Variants in RAD17 observed in about 807,000 individuals in gnomAD.
The protein encoded by RAD17 is cell cycle checkpoint protein RAD17.
In RAD17, 31 loss-of-function variants were observed where a neutral mutation model predicts 81.5. The observed-to-expected ratio is 0.38, with a 90% CI of 0.29 to 0.51. RAD17 has a LOEUF of 0.51. Ranked by LOEUF, RAD17 falls within the 20% of genes least tolerant of loss-of-function variation. The pLI is 0.88. For synonymous variants in RAD17, 261 were observed against 266.2 expected (o/e 0.98, Z 0.19); for missense variants, 681 against 781.2 (o/e 0.87, Z 1.53).
Position 69,414,394 on chromosome 5 carries a change from AGTTT to A in RAD17, c.*106_*109del, listed in dbSNP as rs1159952814. ...ATGCTTTTCTGATGAATTACACAAC[AGTTT>A]GTTAATTCTTCATTCTTGTAGTATT... On this transcript the variant is annotated 3_prime_UTR_variant, in exon 19 of 19. Coordinates refer to ENST00000354868, the MANE Select transcript of RAD17 (RefSeq NM_133338.3). 3 of 1,280,294 alleles carry A rather than the reference AGTTT, an allele frequency of 2.3e-6. No individual in the cohort carries two copies. Among genetic ancestry groups the A allele is most frequent in the Non-Finnish European group, 3.2e-6 (3 of 926,618 alleles). 79.3% of individuals were successfully genotyped at this position (1,280,294 alleles called of 1,614,324 possible). A position where few individuals can be genotyped will look rare whatever the true frequency, so the allele number is the denominator to read the frequency against.
chr5:69,382,138 C>A, intron 7 of RAD17, 81 bp downstream of exon 7: 1 of 1,429,102 alleles, frequency 7.0e-7, no homozygotes, highest in African/African-American at 1.5e-5. Flanking sequence ...TCTATGAGTG[C>A]ATTTTTTCCC....
chr5:69,396,271 TGTAGTGATGTTGAAGAAA>T (rs1315197912), intron 15 of RAD17, 108 bp from the exon 16 acceptor site: 1 of 967,360 alleles, frequency 1.0e-6, no homozygotes, highest in Non-Finnish European at 1.5e-6. Context: ...TTTATAGGGC[TGTAGTGATGTTGAAGAAA>T]GTGAACACAT....
At chr5:69,378,619 T>C (rs1763654480) in intron 6 of RAD17, among the ~76,000 whole-genome samples, 1 of 152,242 alleles carries the variant, frequency 6.6e-6, no homozygotes, top group Admixed American at 6.5e-5. Context: ...AATTAGGTTT[T>C]TGCAAACCTC....
At chr5:69,373,731 A>C in intron 4 of RAD17, 99 bp from the exon 5 acceptor site, 1 of 763,716 alleles carries the variant, frequency 1.3e-6, no homozygotes, top group Non-Finnish European at 2.0e-6. Flanking sequence ...TTTAAAGGTT[A>C]TAAATATATG....
At chr5:69,386,909 A>G (rs1764246872) in intron 11 of RAD17, among the ~76,000 whole-genome samples, 1 of 147,584 alleles carries the variant, frequency 6.8e-6, no homozygotes, top group Non-Finnish European at 1.5e-5. Flanking sequence ...ATTTACATTC[A>G]TATACAGCTG....
rs1483666152 is a variant in RAD17 at position 69,381,910 on chromosome 5, A to G, written c.361A>G (p.Ile121Val). 1.3e-6 allele frequency: 2 copies of G among 1,591,450 alleles called. No individual in the cohort carries two copies. Among genetic ancestry groups the G allele is most frequent in the South Asian group, 1.1e-5 (1 of 87,108 alleles). Residue 121 changes from isoleucine to valine, a missense_variant, in exon 7 of 19, where the codon ATT becomes GTT. Physicochemically the swap from Ile to Val is conservative, Grantham distance 29. Transcript: ENST00000354868. Reference protein sequence around the residue: ...LERQPKQGGSILLITGPPGCG... With the variant: ...LERQPKQGGSVLLITGPPGCG... ...TTGTATTTGATTTTAGGGTGGATCTATTTTATTAATAACAGGTCCTCCTGG... is the reference window on the plus strand; with the variant it reads ...TTGTATTTGATTTTAGGGTGGATCTGTTTTATTAATAACAGGTCCTCCTGG...
chr5:69,406,221 A>G (rs1765594702), intron 17 of RAD17, among the ~76,000 whole-genome samples: 1 of 152,186 alleles, frequency 6.6e-6, no homozygotes, highest in Admixed American at 6.5e-5. Context: ...AAAAAGAACA[A>G]AATCTTGTCA....
Position 69,414,464 on chromosome 5 carries a change from TAGA to T in RAD17, c.*176_*178del, listed in dbSNP as rs1766255134. 1.3e-6 allele frequency: 1 copy of T among 792,984 alleles called. No individual in the cohort carries two copies. Among genetic ancestry groups the T allele is most frequent in the Non-Finnish European group, 1.9e-6 (1 of 514,880 alleles). 49.1% of individuals were successfully genotyped at this position (792,984 alleles called of 1,614,324 possible). On this transcript the variant is annotated 3_prime_UTR_variant, in exon 19 of 19. Coordinates refer to ENST00000354868, the MANE Select transcript of RAD17 (RefSeq NM_133338.3). ...TACTCTTCTGTCATCTTGAAGTAAA[TAGA>T]AGATCAAGCCTTCAAATCTCTTAAT... is the stretch of plus-strand genomic sequence containing the variant.
upstream of RAD17, chr5:69,369,391 GCGCCC>G: frequency 6.4e-7 from 1 of 1,554,140 alleles, no homozygotes; most frequent in East Asian, 2.4e-5. Flanking sequence ...CCCCACCTGG[GCGCCC>G]GATGCCCAGA....
Position 69,399,968 on chromosome 5 carries a change from T to A in RAD17, c.1573-81T>A, listed in dbSNP as rs1765155462. ...AATATAAACTTATTGTGTAAGTTTATATAATAAACTTAGTTTGTCTAGGAA... is the reference window on the plus strand; with the variant it reads ...AATATAAACTTATTGTGTAAGTTTAAATAATAAACTTAGTTTGTCTAGGAA... On this transcript the variant is annotated intron_variant, in intron 16 of 18. Transcript: ENST00000354868. The A allele has an allele frequency of 3.3e-6, 3 of 918,912 alleles. No individual in the cohort carries two copies. In the East Asian group the frequency reaches 9.0e-5, roughly 28 times the overall value. The allele number at this position is 918,912 out of a possible 1,614,324, so 56.9% of individuals were successfully genotyped here. A position where few individuals can be genotyped will look rare whatever the true frequency, so the allele number is the denominator to read the frequency against.
intron 17 of RAD17, among the ~76,000 whole-genome samples, chr5:69,405,486 A>G (rs191489789): frequency 5.9e-5 from 9 of 151,642 alleles, no homozygotes; most frequent in Middle Eastern, 3.4e-3. Context: ...GACCAACATG[A>G]TGAAACTCTG....
At chr5:69,374,738 T>C in intron 6 of RAD17, 27 bp downstream of exon 6, 1 of 1,506,154 alleles carries the variant, frequency 6.6e-7, no homozygotes, top group East Asian at 2.3e-5. Context: ...TTTTTAAATA[T>C]TTAACATCAA....
intron 12 of RAD17, among the ~76,000 whole-genome samples, chr5:69,389,996 T>TA: frequency 6.6e-6 from 1 of 152,310 alleles, no homozygotes; most frequent in South Asian, 2.1e-4. Context: ...CTGTTAATGT[T>TA]AAAAAGTATA....
chr5:69,388,875 T>A (rs1764374954), intron 11 of RAD17, among the ~76,000 whole-genome samples, 159 bp from the exon 12 acceptor site: 1 of 152,192 alleles, frequency 6.6e-6, no homozygotes, highest in Non-Finnish European at 1.5e-5. Flanking sequence ...CCCAAATTGC[T>A]GAGATTATAG....
At chr5:69,413,710 T>C (rs1766179023) in intron 18 of RAD17, among the ~76,000 whole-genome samples, 1 of 152,188 alleles carries the variant, frequency 6.6e-6, no homozygotes. Context: ...AATTTTTCTA[T>C]TTTCAATAGA....
At chr5:69,388,136 G>A (rs1764330008) in intron 11 of RAD17, among the ~76,000 whole-genome samples, 1 of 152,142 alleles carries the variant, frequency 6.6e-6, no homozygotes, top group African/African-American at 2.4e-5. Flanking sequence ...TGTTGAGCCT[G>A]GGAGCTCAAG....
chr5:69,374,090 A>G lies in RAD17; in HGVS notation c.267+3A>G, dbSNP rs776695191. The G allele has an allele frequency of 1.3e-5, 21 of 1,602,606 alleles. No individual in the cohort carries two copies. The highest frequency in any genetic ancestry group is 1.6e-5 in the Non-Finnish European group (19 of 1,175,072). Reference sequence around the variant, plus strand: ...ATAAATATAAACCAGAAACTCAGGTACTGAAAAGCATGCAGACATATCTAC... The same window carrying G: ...ATAAATATAAACCAGAAACTCAGGTGCTGAAAAGCATGCAGACATATCTAC... On this transcript the variant is annotated splice_donor_region_variant and intron_variant, in intron 5 of 18. Coordinates refer to ENST00000354868, the MANE Select transcript of RAD17 (RefSeq NM_133338.3).
chr5:69,379,302 A>C (rs367592469), intron 6 of RAD17, among the ~76,000 whole-genome samples: 1 of 152,312 alleles, frequency 6.6e-6, no homozygotes, highest in African/African-American at 2.4e-5. Flanking sequence ...GTATACATTT[A>C]TATAGGGAAC....
chr5:69,388,015 C>T (rs1479704080), intron 11 of RAD17, among the ~76,000 whole-genome samples: 3 of 152,102 alleles, frequency 2.0e-5, no homozygotes, highest in Admixed American at 2.0e-4. Flanking sequence ...GAGCTAAACC[C>T]TGTCTCTAAA....
Sources: allele counts gnomAD v4.1 joint callset (sites outside exome capture counted in the v4.1 genomes callset), GRCh38; gene constraint gnomAD v4.1.1; transcripts MANE v1.5; gene names NCBI Gene and HGNC (gene_info 2026-07-23, HGNC 2026-07-21).